THADA: variants seen among roughly 807,000 people sequenced by gnomAD.
THADA encodes THADA armadillo repeat containing, also known as tRNA (32-2'-O)-methyltransferase regulator THADA.
THADA carries 213 observed loss-of-function variants against 219.8 expected under a neutral mutation model. That is an observed-to-expected ratio of 0.97 (90% CI 0.87 to 1.09). The LOEUF (loss-of-function observed/expected upper bound fraction) is 1.09. THADA is among the 50% of genes least tolerant of loss of function. The pLI is 0.00. For synonymous variants in THADA, 1,018 were observed against 828.9 expected, an observed-to-expected ratio of 1.23 and a Z score of -3.92; for missense variants, 2,956 against 2,311.3, an observed-to-expected ratio of 1.28 and a Z score of -5.72.
At chr2:43,592,146 C>T in intron 2 of THADA, 100 bp from the exon 3 acceptor site, 1 of 1,035,216 alleles carries the variant, frequency 9.7e-7, no homozygotes, top group South Asian at 1.8e-5. Context: ...TAAACCATAG[C>T]AATAGGTGGA....
intron 27 of THADA, among the ~76,000 whole-genome samples, chr2:43,429,203 G>C (rs1326277661): frequency 2.0e-5 from 3 of 150,098 alleles, no homozygotes; most frequent in African/African-American, 7.3e-5. Flanking sequence ...TGCCTCCTGG[G>C]TTCAAGTGAT....
At chr2:43,514,500 G>A (rs1010667954) in intron 22 of THADA, among the ~76,000 whole-genome samples, 16 of 108,462 alleles carry the variant, frequency 1.5e-4, no homozygotes, top group South Asian at 2.8e-4. Flanking sequence ...TAATATATAC[G>A]TATATTTTAT....
chr2:43,231,418 C>G, intron 37 of THADA, 75 bp from the exon 38 acceptor site: 1 of 1,412,080 alleles, frequency 7.1e-7, no homozygotes, highest in East Asian at 2.5e-5. Flanking sequence ...CAAGCAGTAC[C>G]CTGCCAGATG....
At chr2:43,292,028 T>C in intron 33 of THADA, 76 bp downstream of exon 33, 1 of 1,001,598 alleles carries the variant, frequency 1.0e-6, no homozygotes, top group Non-Finnish European at 1.5e-6. Flanking sequence ...GGCAGGATTG[T>C]GTGCAAGTTC....
intron 3 of THADA, among the ~76,000 whole-genome samples, chr2:43,591,477 A>G (rs1370106643): frequency 6.6e-6 from 1 of 152,150 alleles, no homozygotes; most frequent in Non-Finnish European, 1.5e-5. Context: ...ACCTCCACAG[A>G]GAATCACAGA....
At chr2:43,498,406 T>G (rs1688537989) in intron 25 of THADA, among the ~76,000 whole-genome samples, 1 of 152,056 alleles carries the variant, frequency 6.6e-6, no homozygotes, top group Admixed American at 6.6e-5. Context: ...AACTGGCTAT[T>G]TAAAGAAAAA....
chr2:43,480,913 G>GT (rs1168482223), intron 26 of THADA, among the ~76,000 whole-genome samples: 1 of 152,004 alleles, frequency 6.6e-6, no homozygotes, highest in Non-Finnish European at 1.5e-5. Flanking sequence ...CTTGCTACAA[G>GT]TTACTATGTA....
At chr2:43,463,584 A>G (rs1217370086) in intron 26 of THADA, among the ~76,000 whole-genome samples, 1 of 152,218 alleles carries the variant, frequency 6.6e-6, no homozygotes, top group Non-Finnish European at 1.5e-5. Flanking sequence ...GTGCAGTATA[A>G]AAGAATGTTT....
At chr2:43,433,096 A>G (rs956417487) in intron 26 of THADA, among the ~76,000 whole-genome samples, 1 of 152,152 alleles carries the variant, frequency 6.6e-6, no homozygotes, top group Non-Finnish European at 1.5e-5. Flanking sequence ...TTTAGCTTTT[A>G]CATTGAGGTC....
At chr2:43,537,119 T>A (rs562604149) in intron 21 of THADA, among the ~76,000 whole-genome samples, 2 of 152,346 alleles carry the variant, frequency 1.3e-5, no homozygotes, top group South Asian at 4.1e-4. Flanking sequence ...AGTGATTTGT[T>A]ACTAACTTTT....
intron 15 of THADA, among the ~76,000 whole-genome samples, chr2:43,561,666 C>T (rs1223735044): frequency 6.6e-6 from 1 of 152,222 alleles, no homozygotes; most frequent in African/African-American, 2.4e-5. Flanking sequence ...AGAGCCGACA[C>T]CTGAGGTTTT....
intron 31 of THADA, among the ~76,000 whole-genome samples, chr2:43,308,682 A>G (rs966922073): frequency 4.0e-5 from 6 of 150,092 alleles, no homozygotes; most frequent in Non-Finnish European, 8.9e-5. Flanking sequence ...AGCATGGGAG[A>G]CAGTGCAAGA....
At chr2:43,510,097 T>C (rs756128746) in intron 22 of THADA, among the ~76,000 whole-genome samples, 3 of 152,212 alleles carry the variant, frequency 2.0e-5, no homozygotes, top group Non-Finnish European at 4.4e-5. Flanking sequence ...TTTATATACG[T>C]ACTAGATAAT....
At chr2:43,315,057 G>T (rs566579825) in intron 31 of THADA, among the ~76,000 whole-genome samples, 5 of 152,276 alleles carry the variant, frequency 3.3e-5, no homozygotes, top group African/African-American at 7.2e-5. Flanking sequence ...ACATGTCAGA[G>T]GTAGGAACAG....
chr2:43,529,773 C>T (rs1056766597), intron 21 of THADA, among the ~76,000 whole-genome samples: 10 of 152,158 alleles, frequency 6.6e-5, no homozygotes, highest in African/African-American at 2.4e-4. Context: ...GAAACACCTC[C>T]TATCTCAGCA....
intron 26 of THADA, among the ~76,000 whole-genome samples, chr2:43,471,458 G>A (rs537752013): frequency 6.6e-6 from 1 of 152,260 alleles, no homozygotes; most frequent in Non-Finnish European, 1.5e-5. Context: ...TTGAGCCTGG[G>A]AAGTCAAGAC....
intron 20 of THADA, among the ~76,000 whole-genome samples, chr2:43,542,730 G>T (rs1695486608): frequency 6.6e-6 from 1 of 152,116 alleles, no homozygotes; most frequent in Non-Finnish European, 1.5e-5. Flanking sequence ...CCAAACCCAG[G>T]TTCATTATAT....
At chr2:43,569,339 T>G (rs35645305) in intron 14 of THADA, among the ~76,000 whole-genome samples, 32,390 of 152,162 alleles carry the variant, frequency 0.21, 3,591 homozygotes, top group Middle Eastern at 0.28. Context: ...CTCGGCCTTT[T>G]AGCTAAGATC....
intron 36 of THADA, among the ~76,000 whole-genome samples, chr2:43,270,282 G>A (rs912316022): frequency 6.6e-6 from 1 of 151,996 alleles, no homozygotes; most frequent in Non-Finnish European, 1.5e-5. Context: ...TAAAACCCTC[G>A]AGTCCTGGGA....
Sources: allele counts gnomAD v4.1 joint callset (sites outside exome capture counted in the v4.1 genomes callset), GRCh38; gene constraint gnomAD v4.1.1; transcripts MANE v1.5; gene names NCBI Gene and HGNC (gene_info 2026-07-23, HGNC 2026-07-21).